ZFP64: variants seen among roughly 807,000 people sequenced by gnomAD.
ZFP64 encodes zinc finger protein 64.
Under a neutral mutation model 51.6 loss-of-function variants are expected in ZFP64, and 14 were observed. That is an observed-to-expected ratio of 0.27 (90% confidence interval 0.18 to 0.42). ZFP64 has a LOEUF of 0.42. Ranked by LOEUF, ZFP64 falls within the 10% of genes least tolerant of loss-of-function variation. The pLI is 1.00. For synonymous variants in ZFP64, 375 were observed against 361.4 expected (o/e 1.04, Z -0.43); for missense variants, 754 against 906.8 (o/e 0.83, Z 2.16).
At chr20:52,177,824 AG>A (rs921357709) in intron 2 of ZFP64, among the ~76,000 whole-genome samples, 17 of 152,270 alleles carry the variant, frequency 1.1e-4, no homozygotes, top group Middle Eastern at 6.8e-3. Flanking sequence ...CGAGGTCAGG[AG>A]TTGGAGACCA....
At chr20:52,110,580 C>T (rs1978506526) in intron 5 of ZFP64, 2 of 724,194 alleles carry the variant, frequency 2.8e-6, no homozygotes, top group South Asian at 3.2e-5. Context: ...CCTGCCGCTG[C>T]TTCCAGAGGG....
At chr20:52,138,848 G>A (rs530160055) in intron 5 of ZFP64, among the ~76,000 whole-genome samples, 4 of 152,042 alleles carry the variant, frequency 2.6e-5, no homozygotes, top group African/African-American at 7.2e-5. Flanking sequence ...CACCAAATAC[G>A]TACAAAAATT....
chr20:52,109,667 G>C lies in ZFP64; in HGVS notation c.764-11080C>G, dbSNP rs373061222. Among the ~76,000 whole-genome samples the C allele has an allele frequency of 1.2e-3, 181 of 151,432 alleles. 1 individual carries two copies. The highest frequency in any genetic ancestry group is 4.1e-3 in the African/African-American group (171 of 41,250). ...GTGGTGGCACATGCCTGTAATCCTAGCTACATGGGAGGCTGAGGCTGGAGA... is the reference window on the plus strand; with the variant it reads ...GTGGTGGCACATGCCTGTAATCCTACCTACATGGGAGGCTGAGGCTGGAGA... On this transcript the variant is annotated intron_variant, in intron 5 of 8. Transcript: ENST00000361387.
chr20:52,149,420 G>C (rs925390097), downstream of ZFP64, among the ~76,000 whole-genome samples: 1 of 152,102 alleles, frequency 6.6e-6, no homozygotes, highest in Non-Finnish European at 1.5e-5. Flanking sequence ...AAAAAACTAG[G>C]TCTAGTTTTG....
intron 5 of ZFP64, among the ~76,000 whole-genome samples, chr20:52,132,061 CAA>C (rs1244675872): frequency 1.3e-5 from 2 of 151,896 alleles, no homozygotes; most frequent in African/African-American, 4.8e-5. Context: ...AAATTAATAA[CAA>C]GAGGAATTTT....
rs373993582 is a variant in ZFP64 at position 52,161,514 on chromosome 20, G to T, written c.512-1140C>A. Among the ~76,000 whole-genome samples, 842 of 124,560 alleles carry T rather than the reference G, an allele frequency of 6.8e-3. 6 individuals carry two copies. The highest frequency in any genetic ancestry group is 0.024 in the African/African-American group (761 of 31,786). The allele number at this position is 124,560 out of a possible 152,430, so 81.7% of individuals were successfully genotyped here. ...CTCCCTATTGACTACTTTCTTGCAT[G>T]TACGGTAATTTCGATCACCTGTTTC... On this transcript the variant is annotated intron_variant, in intron 4 of 5. Transcript: ENST00000216923.
intron 7 of ZFP64, chr20:52,097,351 G>A (rs772059664): frequency 4.5e-5 from 73 of 1,607,884 alleles, no homozygotes; most frequent in Non-Finnish European, 5.8e-5. Flanking sequence ...TTACTGAGCT[G>A]TTGAACAGAA....
Position 52,151,980 on chromosome 20 carries a change from T to G in ZFP64, c.*166A>C. ...TGAACCTGGGAGGCGGACGTTGCAG[T>G]GAGCCAAGATAGCGCCACTGCACTC... On this transcript the variant is annotated 3_prime_UTR_variant, in exon 6 of 6. Coordinates refer to ENST00000216923, the MANE Select transcript of ZFP64 (RefSeq NM_018197.3). 8.7e-6 allele frequency: 12 copies of G among 1,382,994 alleles called. No homozygotes were observed. The highest frequency in any genetic ancestry group is 8.7e-5 in the Admixed American group (3 of 34,642). The allele number at this position is 1,382,994 out of a possible 1,614,324, so 85.7% of individuals were successfully genotyped here.
At chr20:52,134,433 T>G (rs1001109608) in intron 5 of ZFP64, among the ~76,000 whole-genome samples, 9 of 152,198 alleles carry the variant, frequency 5.9e-5, no homozygotes, top group Non-Finnish European at 8.8e-5. Context: ...GTTATTAAGA[T>G]ATCTCAGTTT....
rs1341133114 is a variant in ZFP64 at position 52,160,126 on chromosome 20, T to C, written c.760A>G (p.Thr254Ala). 1.9e-6 allele frequency: 3 copies of C among 1,614,176 alleles called. No individual in the cohort carries two copies. In the Admixed American group the frequency reaches 5.0e-5, roughly 27 times the overall value. The stretch of plus-strand genomic sequence containing the variant: ...GCAAATAACAGGCAGGACTCACCCG[T>C]GTGGGATCGCAGGTGGACAGTGAGC... ...SQLTVHLRSHTGDAPFQCWLC... is the reference protein window; with the variant it reads ...SQLTVHLRSHAGDAPFQCWLC... The change falls in exon 5 of 6, where the codon ACG (threonine) becomes GCG (alanine). Residue 254 changes from threonine to alanine, a missense_variant. By Grantham distance (58) the Thr-to-Ala change is moderately conservative (BLOSUM62 0). Coordinates refer to ENST00000216923, the MANE Select transcript of ZFP64 (RefSeq NM_018197.3). The surrounding 1 kb of genome is among the most constrained non-coding windows in gnomAD (Gnocchi z 4.2).
intron 5 of ZFP64, among the ~76,000 whole-genome samples, chr20:52,156,509 C>G (rs6013402): frequency 0.03 from 4,522 of 152,262 alleles, 217 homozygotes; most frequent in African/African-American, 0.1. Flanking sequence ...GGACAGCCAG[C>G]CCATAACCAG....
At chr20:52,108,717 C>T (rs1028900259) in intron 5 of ZFP64, among the ~76,000 whole-genome samples, 1 of 152,000 alleles carries the variant, frequency 6.6e-6, no homozygotes, top group African/African-American at 2.4e-5. Flanking sequence ...ACCATGTCGG[C>T]CAGGCTGGTC....
chr20:52,142,025 A>G (rs1464198456), intron 5 of ZFP64, among the ~76,000 whole-genome samples: 1 of 152,180 alleles, frequency 6.6e-6, no homozygotes, highest in Non-Finnish European at 1.5e-5. Flanking sequence ...AGTGTGGAAT[A>G]GTAGACATTA....
intron 5 of ZFP64, among the ~76,000 whole-genome samples, chr20:52,106,825 G>A (rs538606977): frequency 6.6e-6 from 1 of 152,146 alleles, no homozygotes; most frequent in Non-Finnish European, 1.5e-5. Context: ...GGCCGGGTGC[G>A]GTAGCTCACT....
chr20:52,098,729 C>T lies in ZFP64; in HGVS notation c.764-142G>A, dbSNP rs539052406. 124 of 1,112,872 alleles carry T rather than the reference C, an allele frequency of 1.1e-4. 1 individual carries two copies. The highest frequency in any genetic ancestry group is 1.4e-4 in the South Asian group (9 of 64,124). The allele number at this position is 1,112,872 out of a possible 1,614,324, so 68.9% of individuals were successfully genotyped here. A position where few individuals can be genotyped will look rare whatever the true frequency, so the allele number is the denominator to read the frequency against. On this transcript the variant is annotated intron_variant, in intron 5 of 8. Transcript: ENST00000361387. Reference sequence around the variant, plus strand: ...AAAAAATGAAAGCCATGTGACCAGGCGGGGTGGCTCATGCCTGTAATCCCA... The same window carrying T: ...AAAAAATGAAAGCCATGTGACCAGGTGGGGTGGCTCATGCCTGTAATCCCA...
At chr20:52,183,892 C>T (rs1290762336) in intron 2 of ZFP64, among the ~76,000 whole-genome samples, 2 of 152,208 alleles carry the variant, frequency 1.3e-5, no homozygotes, top group Non-Finnish European at 2.9e-5. Context: ...CTCACTCACT[C>T]TGTTGCCCAG....
At position 52,167,619 on chromosome 20, in the gene ZFP64, T is replaced by A. The variant is rs553779612; in HGVS notation, c.287-1594A>T. On this transcript the variant is annotated intron_variant, in intron 2 of 5. Transcript: ENST00000216923. ...TTCTTTTTCTGGTTCTTTCTTAGAA[T>A]GTACTTTGTCATATGAAGATTGGGT... is the stretch of plus-strand genomic sequence containing the variant. Among the ~76,000 whole-genome samples, 16 of 150,324 alleles carry A rather than the reference T, an allele frequency of 1.1e-4. No individual in the cohort carries two copies. In the East Asian group the frequency reaches 2.2e-3, roughly 21 times the overall value.
intron 3 of ZFP64, chr20:52,165,069 T>G (rs1398434927): frequency 2.0e-6 from 1 of 508,564 alleles, no homozygotes; most frequent in Admixed American, 2.3e-5. Context: ...AATGCTTAAC[T>G]GTTCTTGATT....
Position 52,160,048 on chromosome 20 carries a change from G to A in ZFP64, c.763+75C>T. The A allele has an allele frequency of 2.5e-6, 4 of 1,591,374 alleles. No individual in the cohort carries two copies. The highest frequency in any genetic ancestry group is 3.4e-6 in the Non-Finnish European group (4 of 1,168,820). On this transcript the variant is annotated intron_variant, in intron 5 of 5. Transcript: ENST00000216923. This position sits in a 1 kb window ranked among gnomAD's most constrained non-coding sequence, Gnocchi z 4.2. ...CAACTCGATTTCTTACATTGTGGCT[G>A]AATGCTTTAAGGTGCTTATGATTTA...
Sources: allele counts gnomAD v4.1 joint callset (sites outside exome capture counted in the v4.1 genomes callset), GRCh38; gene constraint gnomAD v4.1.1; non-coding constraint Gnocchi (gnomAD v3.1); transcripts MANE v1.5; gene names NCBI Gene and HGNC (gene_info 2026-07-23, HGNC 2026-07-21).